The following GYPC variants were observed in gnomAD, a reference collection of about 807,000 sequenced individuals.
GYPC encodes glycophorin C (Gerbich blood group).
GYPC carries 14 observed loss-of-function variants against 12.6 expected under a neutral mutation model. That is an observed-to-expected ratio of 1.11 (90% CI 0.74 to 1.74). The LOEUF (loss-of-function observed/expected upper bound fraction) is 1.74. Among genes scored for constraint, GYPC ranks in the 40% most tolerant of loss-of-function variants. The pLI is 0.00. For synonymous variants in GYPC, 78 were observed against 62.1 expected, an observed-to-expected ratio of 1.26 and a Z score of -1.20; for missense variants, 225 against 172.1, an observed-to-expected ratio of 1.31 and a Z score of -1.72.
At chr2:126,676,804 A>T (rs984941059) in intron 1 of GYPC, among the ~76,000 whole-genome samples, 1 of 152,180 alleles carries the variant, frequency 6.6e-6, no homozygotes, top group Non-Finnish European at 1.5e-5. Flanking sequence ...TTTTCTCCCT[A>T]AGCACAGAGA....
chr2:126,673,181 G>C (rs1682900050), intron 1 of GYPC, among the ~76,000 whole-genome samples: 1 of 152,062 alleles, frequency 6.6e-6, no homozygotes, highest in South Asian at 2.1e-4. Flanking sequence ...TGCTCTTTCT[G>C]TGTGCCTCCT....
intron 1 of GYPC, among the ~76,000 whole-genome samples, chr2:126,660,017 G>A (rs990300449): frequency 1.3e-5 from 2 of 152,166 alleles, no homozygotes; most frequent in African/African-American, 2.4e-5. Context: ...GAGATAAGCC[G>A]CCATAGGGCA....
At chr2:126,685,906 A>AAC in intron 1 of GYPC, 9 of 985,280 alleles carry the variant, frequency 9.1e-6, no homozygotes, top group Non-Finnish European at 1.1e-5. Flanking sequence ...CTCCTCCCAG[A>AAC]ACACCTAGGT....
At chr2:126,680,333 C>A (rs1277123774) in intron 1 of GYPC, 1 of 152,188 alleles carries the variant, frequency 6.6e-6, no homozygotes, top group East Asian at 1.9e-4. Flanking sequence ...CTACACACTT[C>A]AGTGTAGGGT....
intron 1 of GYPC, chr2:126,675,755 T>A: frequency 1.2e-6 from 1 of 830,794 alleles, no homozygotes; most frequent in Non-Finnish European, 1.5e-6. Context: ...AGCAGGTGAG[T>A]AATAAAATTT....
intron 1 of GYPC, chr2:126,680,318 T>A (rs1251265184): frequency 6.6e-6 from 1 of 152,000 alleles, no homozygotes; most frequent in African/African-American, 2.4e-5. Flanking sequence ...GAGGGGAAAC[T>A]GAGTCTACAC....
At chr2:126,685,752 C>T in intron 1 of GYPC, 2 of 980,742 alleles carry the variant, frequency 2.0e-6, no homozygotes, top group South Asian at 4.7e-5. Flanking sequence ...ACTGCCACAG[C>T]ACCTGGCCAA....
rs769564778 is a variant in GYPC at position 126,696,571 on chromosome 2, C to T, written c.*429C>T. 4 of 275,256 alleles carry T rather than the reference C, an allele frequency of 1.5e-5. No individual in the cohort carries two copies. The highest frequency in any genetic ancestry group is 2.9e-5 in the Non-Finnish European group (4 of 139,854). The allele number at this position is 275,256 out of a possible 1,614,324, so 17.1% of individuals were successfully genotyped here. A position where few individuals can be genotyped will look rare whatever the true frequency, so the allele number is the denominator to read the frequency against. On this transcript the variant is annotated 3_prime_UTR_variant, in exon 4 of 4. Transcript: ENST00000259254. ...AATGGCATCAAATGTCAGTCCTTGA[C>T]ATTTGGGGGGAACAGCAGGTGCCAG...
chr2:126,675,790 G>A, intron 1 of GYPC: 2 of 434,788 alleles, frequency 4.6e-6, no homozygotes, highest in Non-Finnish European at 6.1e-6. Context: ...CCGTAGTAGT[G>A]ATGGTGGAAG....
intron 1 of GYPC, among the ~76,000 whole-genome samples, chr2:126,673,756 C>T (rs1682917439): frequency 6.6e-6 from 1 of 152,174 alleles, no homozygotes; most frequent in South Asian, 2.1e-4. Context: ...TTAAACACTG[C>T]CAGATCCTCT....
chr2:126,677,254 TGTATAA>T lies in GYPC; in HGVS notation c.50-12998_50-12993del, dbSNP rs1376891934. 2.0e-5 allele frequency among the ~76,000 whole-genome samples: 3 copies of T among 151,886 alleles called. No individual in the cohort carries two copies. The East Asian group carries it at 5.8e-4, about 29-fold the overall frequency. Reference sequence around the variant, plus strand: ...GGGAGAGTGTGTGTAAGAGTATATGTGTATAAGTGTGTGAGTGCATGTGAGAGTGTG... The same window carrying T: ...GGGAGAGTGTGTGTAAGAGTATATGTGTGTGTGAGTGCATGTGAGAGTGTG... On this transcript the variant is annotated intron_variant, in intron 1 of 3. Coordinates refer to ENST00000259254, the MANE Select transcript of GYPC (RefSeq NM_002101.5).
rs1162632153 is a variant in GYPC at position 126,684,839 on chromosome 2, A to G, written c.50-5416A>G. ...CACAAGTCTCCCTAGCACCTCGTCA[A>G]TGCTCATTTTGACGCTTCATCACAT... is the stretch of plus-strand genomic sequence containing the variant. On this transcript the variant is annotated intron_variant, in intron 1 of 3. Coordinates refer to ENST00000259254, the MANE Select transcript of GYPC (RefSeq NM_002101.5). 3.3e-5 allele frequency among the ~76,000 whole-genome samples: 5 copies of G among 152,114 alleles called. No individual in the cohort carries two copies. In the South Asian group the frequency reaches 8.3e-4, roughly 25 times the overall value.
chr2:126,686,673 C>T, intron 1 of GYPC: 1 of 985,296 alleles, frequency 1.0e-6, no homozygotes, highest in Non-Finnish European at 1.2e-6. Context: ...GCCGGGGGGA[C>T]CTTGCAACCT....
intron 3 of GYPC, among the ~76,000 whole-genome samples, chr2:126,695,146 C>T (rs1057014885): frequency 3.9e-5 from 6 of 152,188 alleles, no homozygotes; most frequent in African/African-American, 1.4e-4. Context: ...AAAACACAAA[C>T]CACACAACCT....
chr2:126,693,957 C>T lies in GYPC; in HGVS notation c.190+10C>T, dbSNP rs757138590. ...ATTGTCGTCATTGCAGGTGAGCTCT[C>T]ATCACAGAGCCCTTCAAGCAGCCAG... is the stretch of plus-strand genomic sequence containing the variant. On this transcript the variant is annotated intron_variant, in intron 3 of 3. Transcript: ENST00000259254. 3 of 1,569,660 alleles carry T rather than the reference C, an allele frequency of 1.9e-6. No homozygotes were observed. The highest frequency in any genetic ancestry group is 1.1e-5 in the South Asian group (1 of 90,236).
At chr2:126,675,780 C>A in intron 1 of GYPC, 1 of 540,786 alleles carries the variant, frequency 1.8e-6, no homozygotes, top group Non-Finnish European at 2.4e-6. Context: ...GTGATATTCA[C>A]CGTAGTAGTG....
At chr2:126,685,186 C>T (rs1285691498) in intron 1 of GYPC, among the ~76,000 whole-genome samples, 1 of 152,212 alleles carries the variant, frequency 6.6e-6, no homozygotes, top group Admixed American at 6.5e-5. Context: ...CTTCAACTCT[C>T]ATCTGATTTC....
intron 1 of GYPC, among the ~76,000 whole-genome samples, chr2:126,668,345 T>C (rs1047040411): frequency 9.2e-5 from 14 of 152,276 alleles, no homozygotes; most frequent in African/African-American, 3.4e-4. Flanking sequence ...GATGGCTCAC[T>C]CCCGAGACAA....
At chr2:126,692,931 T>C (rs1285678398) in intron 2 of GYPC, among the ~76,000 whole-genome samples, 7 of 152,204 alleles carry the variant, frequency 4.6e-5, no homozygotes, top group Non-Finnish European at 1.0e-4. Flanking sequence ...TCTCTGAACC[T>C]TGGTGTTCTT....
Sources: allele counts gnomAD v4.1 joint callset (sites outside exome capture counted in the v4.1 genomes callset), GRCh38; gene constraint gnomAD v4.1.1; transcripts MANE v1.5; gene names NCBI Gene and HGNC (gene_info 2026-07-23, HGNC 2026-07-21).